Variants in DMD observed in about 807,000 individuals in gnomAD.
DMD encodes the protein mutant dystrophin.
In DMD, 63 loss-of-function variants were observed where a neutral mutation model predicts 330.1. The ratio of observed to expected loss-of-function variants is 0.19; its 90% CI spans 0.16 to 0.24. DMD has a LOEUF of 0.24. Among genes scored for constraint, DMD ranks in the 10% least tolerant of loss-of-function variants. The probability of loss-of-function intolerance (pLI) is 1.00; values close to 1 mark genes in which losing one functional copy is unlikely to be tolerated. For synonymous variants in DMD, 1,223 were observed against 959.8 expected (o/e 1.27, Z -5.07); for missense variants, 3,344 against 2,684.1 (o/e 1.25, Z -5.43).
chrX:32,239,601 A>G (rs1230116572), intron 43 of DMD, among the ~76,000 whole-genome samples: 1 of 111,907 alleles, frequency 8.9e-6, no homozygotes, highest in Non-Finnish European at 1.9e-5. Flanking sequence ...TTGGACAAAT[A>G]TATAATGAAA....
Position 32,574,866 on chromosome X carries a change from A to C in DMD, c.1603-1020T>G, listed in dbSNP as rs144257523. Among the ~76,000 whole-genome samples, 774 of 108,705 alleles carry C rather than the reference A, an allele frequency of 7.1e-3. 8 individuals carry two copies. Among genetic ancestry groups the C allele is most frequent in the African/African-American group, 0.023 (706 of 30,057 alleles). 94.4% of individuals were successfully genotyped at this position (108,705 alleles called of 115,157 possible). On this transcript the variant is annotated intron_variant, in intron 13 of 78. Transcript: ENST00000357033. ...TATTAACACATGATTTAAACAATGC[A>C]AATGAAATTAGCATCATGAAAATAA...
intron 1 of DMD, among the ~76,000 whole-genome samples, chrX:33,096,212 G>A (rs749860398): frequency 9.1e-6 from 1 of 110,318 alleles, no homozygotes; most frequent in East Asian, 2.9e-4. Flanking sequence ...CTGACCTCGT[G>A]ATCCACCCAC....
At chrX:31,832,059 T>C (rs1216122098) in intron 49 of DMD, among the ~76,000 whole-genome samples, 2 of 112,547 alleles carry the variant, frequency 1.8e-5, no homozygotes, top group East Asian at 2.8e-4. Flanking sequence ...TCAGTCAAAA[T>C]AGACTTGTTC....
intron 55 of DMD, among the ~76,000 whole-genome samples, chrX:31,557,434 G>C (rs1222192391): frequency 8.9e-6 from 1 of 111,825 alleles, no homozygotes; most frequent in South Asian, 3.7e-4. Flanking sequence ...ATTGGAAACA[G>C]AGTCATCTCC....
chrX:31,702,074 C>A (rs776167036), intron 52 of DMD, among the ~76,000 whole-genome samples: 1 of 111,963 alleles, frequency 8.9e-6, no homozygotes, highest in African/African-American at 3.2e-5. Context: ...TTGACGAACC[C>A]TCTTTGAAAC....
chrX:31,146,515 C>A, intron 75 of DMD, 101 bp from the exon 76 acceptor site: 1 of 903,451 alleles, frequency 1.1e-6, no homozygotes, highest in South Asian at 2.2e-5. Flanking sequence ...AATTTTGACC[C>A]TTCCTACTTT....
chrX:32,278,867 G>A (rs1345719200), intron 43 of DMD, among the ~76,000 whole-genome samples: 1 of 111,833 alleles, frequency 8.9e-6, no homozygotes, highest in East Asian at 2.8e-4. Flanking sequence ...TCAATAAAGT[G>A]AAGAGACAAC....
chrX:32,671,314 C>G (rs1295786692), intron 9 of DMD, among the ~76,000 whole-genome samples: 1 of 110,944 alleles, frequency 9.0e-6, no homozygotes, highest in African/African-American at 3.3e-5. Context: ...CAACAAACTT[C>G]TTATTCCAAT....
chrX:31,919,260 T>C (rs1456055815), intron 47 of DMD, among the ~76,000 whole-genome samples: 2 of 112,375 alleles, frequency 1.8e-5, no homozygotes, highest in Admixed American at 1.9e-4. Flanking sequence ...GCAATCTTCA[T>C]GATAGTCATT....
intron 9 of DMD, among the ~76,000 whole-genome samples, chrX:32,650,126 A>G (rs2060050343): frequency 8.9e-6 from 1 of 111,862 alleles, no homozygotes; most frequent in Non-Finnish European, 1.9e-5. Context: ...CCAGCAGCCC[A>G]GCAAACCACA....
intron 60 of DMD, among the ~76,000 whole-genome samples, chrX:31,433,368 C>A (rs767374803): frequency 9.0e-6 from 1 of 111,278 alleles, no homozygotes; most frequent in African/African-American, 3.3e-5. Context: ...TATGAGCGCA[C>A]GTCTTTTTGG....
chrX:32,550,169 GGTAA>G (rs201292167), intron 16 of DMD, among the ~76,000 whole-genome samples: 2,207 of 111,653 alleles, frequency 0.02, 43 homozygotes, highest in African/African-American at 0.062. Context: ...TAGGCACAAT[GGTAA>G]GTATTTGTGT....
chrX:31,964,090 A>G (rs186104565), intron 45 of DMD, among the ~76,000 whole-genome samples: 1 of 112,000 alleles, frequency 8.9e-6, no homozygotes, highest in Non-Finnish European at 1.9e-5. Context: ...TCTCATATGA[A>G]GTATTCTCGC....
At chrX:31,760,405 G>C (rs747368941) in intron 51 of DMD, among the ~76,000 whole-genome samples, 9 of 112,027 alleles carry the variant, frequency 8.0e-5, no homozygotes, top group African/African-American at 2.9e-4. Flanking sequence ...TGCACAGTCT[G>C]TATACATGTA....
intron 44 of DMD, among the ~76,000 whole-genome samples, chrX:32,202,430 C>T (rs779256639): frequency 1.3e-4 from 15 of 111,684 alleles, no homozygotes; most frequent in Non-Finnish European, 2.3e-4. Context: ...TGGCTCACTG[C>T]GACCTCCGCC....
chrX:33,265,948 TATTAA>T (rs2053034386), intron 1 of DMD, among the ~76,000 whole-genome samples: 1 of 111,725 alleles, frequency 9.0e-6, no homozygotes, highest in Non-Finnish European at 1.9e-5. Context: ...CCCTTGGATT[TATTAA>T]ATTATAGATT....
intron 7 of DMD, among the ~76,000 whole-genome samples, chrX:32,732,006 A>C (rs999234352): frequency 8.1e-5 from 9 of 111,511 alleles, no homozygotes; most frequent in African/African-American, 2.9e-4. Flanking sequence ...AGAAGTTGAA[A>C]ACTTTGAAAA....
chrX:31,518,395 TG>T (rs11289781), intron 55 of DMD, among the ~76,000 whole-genome samples: 11,068 of 111,103 alleles, frequency 0.1, 551 homozygotes, highest in Admixed American at 0.19. Flanking sequence ...CATAATTGGG[TG>T]AGCATTTCCT....
intron 55 of DMD, among the ~76,000 whole-genome samples, chrX:31,577,610 G>A (rs2076163412): frequency 8.9e-6 from 1 of 112,225 alleles, no homozygotes; most frequent in Admixed American, 9.4e-5. Flanking sequence ...CAAAGAGAAA[G>A]GATTCTTATG....
Sources: allele counts gnomAD v4.1 joint callset (sites outside exome capture counted in the v4.1 genomes callset), GRCh38; gene constraint gnomAD v4.1.1; transcripts MANE v1.5; gene names NCBI Gene and HGNC (gene_info 2026-07-23, HGNC 2026-07-21).